The following AKAP13 variants were observed in gnomAD, a reference collection of about 807,000 sequenced individuals.
AKAP13 encodes the protein A-kinase anchoring protein 13.
In AKAP13, 80 loss-of-function variants were observed where a neutral mutation model predicts 264.5. That is an observed-to-expected ratio of 0.30 (90% CI 0.25 to 0.36). The LOEUF is 0.36. Ranked by LOEUF, AKAP13 falls within the 10% of genes least tolerant of loss-of-function variation. The probability of loss-of-function intolerance (pLI) is 1.00; values close to 1 mark genes in which losing one functional copy is unlikely to be tolerated. For missense variants in AKAP13, 3,712 were observed against 3,435.2 expected (o/e 1.08, Z -2.01); for synonymous variants, 1,380 against 1,250.2 (o/e 1.10, Z -2.19).
intron 16 of AKAP13, chr15:85,685,460 C>G (rs548568982): frequency 8.4e-6 from 1 of 119,436 alleles, no homozygotes; most frequent in African/African-American, 3.0e-5. Flanking sequence ...AATGTTTAAA[C>G]CGTGTGTGTG....
chr15:85,638,956 G>A (rs1238823538), intron 8 of AKAP13, among the ~76,000 whole-genome samples: 1 of 152,026 alleles, frequency 6.6e-6, no homozygotes, highest in Admixed American at 6.6e-5. Context: ...ATGGGGTTTT[G>A]CCACATTTGC....
Position 85,735,606 on chromosome 15 carries a change from G to C in AKAP13, c.7488G>C (p.Thr2496=). 1 of 1,613,242 alleles carries C rather than the reference G, an allele frequency of 6.2e-7. No individual in the cohort carries two copies. Among genetic ancestry groups the C allele is most frequent in the Non-Finnish European group, 8.5e-7 (1 of 1,179,716 alleles). ...EGDDGQDLRR[T]ESDSGLKKGG... ...ATGATGGCCAAGATCTTAGGAGAAC[G>C]GAATCAGATAGTGGCCTAAAAAAGG... The change falls in exon 32 of 37, where the codon ACG becomes ACC. Residue 2496 remains threonine, a synonymous_variant. Coordinates refer to ENST00000394518, the MANE Select transcript of AKAP13 (RefSeq NM_007200.5).
chr15:85,399,535 A>AAAAAAAAAAAT lies in AKAP13; in HGVS notation c.-12+18740_-12+18741insAAAAAAATAAA, dbSNP rs1567038735. Among the ~76,000 whole-genome samples the AAAAAAAAAAAT allele has an allele frequency of 1.0e-4, 11 of 105,596 alleles. 1 individual carries two copies. Among genetic ancestry groups the AAAAAAAAAAAT allele is most frequent in the African/African-American group, 4.1e-4 (10 of 24,590 alleles). 69.3% of individuals were successfully genotyped at this position (105,596 alleles called of 152,430 possible). A position where few individuals can be genotyped will look rare whatever the true frequency, so the allele number is the denominator to read the frequency against. ...AAAAAAAAAAAAATAAAAAAATAAA[A>AAAAAAAAAAAT]AAATAAATAAATAAATAAATAAAGT... is the stretch of plus-strand genomic sequence containing the variant. On this transcript the variant is annotated intron_variant, in intron 1 of 36. Transcript: ENST00000394518.
chr15:85,520,270 T>C (rs929426375), intron 2 of AKAP13, among the ~76,000 whole-genome samples: 9 of 151,166 alleles, frequency 6.0e-5, no homozygotes, highest in Admixed American at 1.3e-4. Context: ...CTGAGACGGG[T>C]GGATCATCTG....
At chr15:85,548,713 C>G (rs1027531658) in intron 5 of AKAP13, among the ~76,000 whole-genome samples, 1 of 152,140 alleles carries the variant, frequency 6.6e-6, no homozygotes, top group African/African-American at 2.4e-5. Flanking sequence ...CAATGAAACT[C>G]AAATTCCAGT....
chr15:85,651,353 C>G (rs2082835820), intron 10 of AKAP13, among the ~76,000 whole-genome samples: 1 of 152,156 alleles, frequency 6.6e-6, no homozygotes, highest in African/African-American at 2.4e-5. Context: ...ATCCTTCTGT[C>G]CACCCAGTTT....
In AKAP13 at chr15:85,383,085, G is replaced by A. The variant is rs565456289; in HGVS notation, c.-12+2287G>A. The stretch of plus-strand genomic sequence containing the variant: ...ATTATTATTGTTTTTTTTTAGAGTC[G>A]GAATCTTCACTGTTGCCCAGTTGTC... On this transcript the variant is annotated intron_variant, in intron 1 of 36. Transcript: ENST00000394518. 5.3e-5 allele frequency among the ~76,000 whole-genome samples: 8 copies of A among 151,424 alleles called. No individual in the cohort carries two copies. In the South Asian group the frequency reaches 1.5e-3, roughly 28 times the overall value.
chr15:85,485,327 T>G (rs143088796), intron 1 of AKAP13, among the ~76,000 whole-genome samples: 1,647 of 152,274 alleles, frequency 0.011, 109 homozygotes, highest in Admixed American at 0.099. Flanking sequence ...CTAGTAAGAC[T>G]GCAAGAAGTC....
At chr15:85,565,584 CAA>C (rs1360752477) in intron 5 of AKAP13, among the ~76,000 whole-genome samples, 3 of 152,138 alleles carry the variant, frequency 2.0e-5, no homozygotes, top group African/African-American at 7.2e-5. Context: ...GGCTTCCAGT[CAA>C]GAGAATGCTG....
At chr15:85,573,243 G>T (rs928263839) in intron 5 of AKAP13, among the ~76,000 whole-genome samples, 2 of 152,068 alleles carry the variant, frequency 1.3e-5, no homozygotes, top group Non-Finnish European at 2.9e-5. Context: ...AAATCTCAGG[G>T]ATACTTTACC....
intron 23 of AKAP13, among the ~76,000 whole-genome samples, chr15:85,719,901 TG>T (rs1202917982): frequency 6.7e-6 from 1 of 149,564 alleles, no homozygotes; most frequent in African/African-American, 2.5e-5. Flanking sequence ...GGAGACAGAG[TG>T]ATACTCTGTC....
rs747568055 is a variant in AKAP13 at position 85,639,444 on chromosome 15, G to A, written c.4232G>A (p.Ser1411Asn). 3.1e-6 allele frequency: 5 copies of A among 1,610,844 alleles called. No individual in the cohort carries two copies. Among genetic ancestry groups the A allele is most frequent in the South Asian group, 1.1e-5 (1 of 91,008 alleles). ...GCATCTCTTCTGGCTTCCAAGCAGA[G>A]CCCAGGTAAGCTGAGATTATCCATT... ...DAASLLASKQ[S>N]PECENFLDVG... Residue 1411 changes from serine to asparagine, a missense_variant, in exon 9 of 37, where the codon AGC becomes AAC. By Grantham distance (46) the Ser-to-Asn change is conservative (BLOSUM62 1). Around this residue, in one of 3 missense-constraint regions of AKAP13, gnomAD observed 2,759 missense variants for 2,411.7 expected, o/e 1.14. Coordinates refer to ENST00000394518, the MANE Select transcript of AKAP13 (RefSeq NM_007200.5).
At chr15:85,494,194 A>G (rs753034408) in intron 2 of AKAP13, among the ~76,000 whole-genome samples, 1 of 152,166 alleles carries the variant, frequency 6.6e-6, no homozygotes, top group African/African-American at 2.4e-5. Context: ...AATGGGCTCT[A>G]TCTATCACCA....
chr15:85,712,082 C>G (rs548044810), intron 19 of AKAP13, among the ~76,000 whole-genome samples: 14 of 152,290 alleles, frequency 9.2e-5, no homozygotes, highest in African/African-American at 2.6e-4. Flanking sequence ...AGTCCTCATG[C>G]CTTGGCCTCC....
chr15:85,661,327 T>G (rs2083335356), intron 12 of AKAP13, among the ~76,000 whole-genome samples: 1 of 152,208 alleles, frequency 6.6e-6, no homozygotes, highest in Non-Finnish European at 1.5e-5. Context: ...AAGTAGATGA[T>G]CAGATGGATT....
intron 13 of AKAP13, among the ~76,000 whole-genome samples, chr15:85,666,588 G>A (rs1411071772): frequency 6.6e-6 from 1 of 151,942 alleles, no homozygotes; most frequent in African/African-American, 2.4e-5. Context: ...TCACTCTGTC[G>A]CCCATACTGG....
At chr15:85,549,448 C>G (rs2077873491) in intron 5 of AKAP13, among the ~76,000 whole-genome samples, 1 of 152,166 alleles carries the variant, frequency 6.6e-6, no homozygotes. Flanking sequence ...TTTTTAGTAT[C>G]AGCTGAACAA....
chr15:85,676,404 CA>C (rs1465069638), intron 14 of AKAP13, among the ~76,000 whole-genome samples: 4 of 152,112 alleles, frequency 2.6e-5, no homozygotes, highest in African/African-American at 9.7e-5. Context: ...ATGTTGGTAC[CA>C]CTCACTAAAT....
At chr15:85,417,899 C>A (rs913247318) in intron 1 of AKAP13, among the ~76,000 whole-genome samples, 4 of 151,958 alleles carry the variant, frequency 2.6e-5, no homozygotes, top group African/African-American at 9.7e-5. Context: ...ATAATATCAG[C>A]CACTAGGTAA....
Sources: gnomAD v4.1 joint callset for allele counts (sites outside exome capture counted in the v4.1 genomes callset) on GRCh38, gnomAD v4.1.1 for gene constraint, gnomAD v4.1.1 regional missense constraint, MANE v1.5 for transcripts, NCBI Gene and HGNC (gene_info 2026-07-23, HGNC 2026-07-21) for gene names.